The following MFSD6 variants were observed in gnomAD, a reference collection of about 807,000 sequenced individuals.
MFSD6 encodes major facilitator superfamily domain-containing protein 6.
A neutral mutation model predicts 56.3 loss-of-function variants in MFSD6; 26 were observed. The ratio of observed to expected loss-of-function variants is 0.46; its 90% CI spans 0.34 to 0.64. MFSD6 has a LOEUF of 0.64. Among genes scored for constraint, MFSD6 ranks in the 30% least tolerant of loss-of-function variants. The pLI is 0.01. For synonymous variants in MFSD6, 331 were observed against 366.9 expected (o/e 0.90, Z 1.12); for missense variants, 750 against 986.2 (o/e 0.76, Z 3.21).
rs1685796026 is a variant in MFSD6, at chr2:190,426,770, T to C, written c.-53-9207T>C. ...TTCAGTTTGAGATCTTCCTGGTTCT[T>C]GGTGTGACGAATGATTTTTTATTGA... On this transcript the variant is annotated intron_variant, in intron 2 of 7. Coordinates refer to ENST00000392328, the MANE Select transcript of MFSD6 (RefSeq NM_017694.4). This position sits in a 1 kb window ranked among gnomAD's most constrained non-coding sequence, Gnocchi z 4.7. Among the ~76,000 whole-genome samples, 1 of 152,242 alleles carries C rather than the reference T, an allele frequency of 6.6e-6. No homozygotes were observed. Among genetic ancestry groups the C allele is most frequent in the Non-Finnish European group, 1.5e-5 (1 of 68,048 alleles).
chr2:190,431,031 C>T lies in MFSD6; in HGVS notation c.-53-4946C>T, dbSNP rs529552386. Among the ~76,000 whole-genome samples, 2 of 83,576 alleles carry T rather than the reference C, an allele frequency of 2.4e-5. No homozygotes were observed. Among genetic ancestry groups the T allele is most frequent in the African/African-American group, 4.1e-5 (1 of 24,168 alleles). The allele number at this position is 83,576 out of a possible 152,430, so 54.8% of individuals were successfully genotyped here. On this transcript the variant is annotated intron_variant, in intron 2 of 7. Transcript: ENST00000392328. This position sits in a 1 kb window ranked among gnomAD's most constrained non-coding sequence, Gnocchi z 4.4. ...ACGCTCCTCACCTCCCAGACGGGGT[C>T]GCGGCCGGGCAGAGGCGCTCCTCAC...
At chr2:190,474,075 G>A (rs1350174889) in intron 4 of MFSD6, among the ~76,000 whole-genome samples, 1 of 152,114 alleles carries the variant, frequency 6.6e-6, no homozygotes, top group Non-Finnish European at 1.5e-5. Context: ...AGTGTGTAGA[G>A]GGAAATTTAT....
Position 190,438,273 on chromosome 2 carries a change from TGA to T in MFSD6, c.1532+716_1532+717del. Among the ~76,000 whole-genome samples the T allele has an allele frequency of 6.6e-6, 1 of 151,958 alleles. No homozygotes were observed. Among genetic ancestry groups the T allele is most frequent in the Middle Eastern group, 3.4e-3 (1 of 290 alleles). On this transcript the variant is annotated intron_variant, in intron 3 of 7. Transcript: ENST00000392328. This position sits in a 1 kb window ranked among gnomAD's most constrained non-coding sequence, Gnocchi z 5.2. ...CTCACACCTGCTAATCCCAGCACTT[TGA>T]GAGGCCGAGGCAGGTGGATCACTTG... is the stretch of plus-strand genomic sequence containing the variant.
intron 3 of MFSD6, among the ~76,000 whole-genome samples, chr2:190,452,774 A>T (rs1686829060): frequency 2.6e-5 from 4 of 152,122 alleles, no homozygotes; most frequent in African/African-American, 9.7e-5. Flanking sequence ...TCCCCAAATT[A>T]TTCCTTTTAT....
rs67545783 is a variant in MFSD6, at chr2:190,434,182, C to CA, written c.-53-1782dup. Among the ~76,000 whole-genome samples the CA allele has an allele frequency of 0.7, 91,150 of 129,550 alleles. 31,151 individuals carry two copies. The highest frequency in any genetic ancestry group is 0.78 in the Admixed American group (10,123 of 12,946). The allele number at this position is 129,550 out of a possible 152,430, so 85.0% of individuals were successfully genotyped here. ...GGTGACAGAGTAAGACCCTGTCTCTCAAAAAAAAAAAAAGAAAAAAAAGAA... is the reference window on the plus strand; with the variant it reads ...GGTGACAGAGTAAGACCCTGTCTCTCAAAAAAAAAAAAAAGAAAAAAAAGAA... On this transcript the variant is annotated intron_variant, in intron 2 of 7. Transcript: ENST00000392328. The surrounding 1 kb of genome is among the most constrained non-coding windows in gnomAD (Gnocchi z 4.3).
rs1685707166 is a variant in MFSD6, at chr2:190,423,850, T to C, written c.-54+8437T>C. On this transcript the variant is annotated intron_variant, in intron 2 of 7. Transcript: ENST00000392328. The surrounding 1 kb of genome is among the most constrained non-coding windows in gnomAD (Gnocchi z 4.3). ...CCATTCTTATAGACGTGTAGTGATA[T>C]AGCATCATGGTTTTAATTTACATTT... Among the ~76,000 whole-genome samples, 1 of 152,322 alleles carries C rather than the reference T, an allele frequency of 6.6e-6. No homozygotes were observed. The highest frequency in any genetic ancestry group is 2.4e-5 in the African/African-American group (1 of 41,582).
Position 190,494,314 on chromosome 2 carries a change from AC to A in MFSD6, c.1892-3122del, listed in dbSNP as rs1323067049. Among the ~76,000 whole-genome samples the A allele has an allele frequency of 2.0e-5, 3 of 152,108 alleles. No individual in the cohort carries two copies. Among genetic ancestry groups the A allele is most frequent in the Admixed American group, 1.3e-4 (2 of 15,270 alleles). On this transcript the variant is annotated intron_variant, in intron 6 of 7. Transcript: ENST00000392328. This position sits in a 1 kb window ranked among gnomAD's most constrained non-coding sequence, Gnocchi z 5.7. The stretch of plus-strand genomic sequence containing the variant: ...TAGCTTAAATCAGGAAGAATTAGAA[AC>A]CCTGAACAGACAACTAAGTAGTGAG...
intron 4 of MFSD6, among the ~76,000 whole-genome samples, chr2:190,486,948 C>G (rs1689045443): frequency 6.6e-6 from 1 of 152,158 alleles, no homozygotes; most frequent in African/African-American, 2.4e-5. Context: ...CATTTTTCCA[C>G]CTGTTATCTC....
rs1688937914 is a variant in MFSD6, at chr2:190,485,129, G to C, written c.1631-3528G>C. On this transcript the variant is annotated intron_variant, in intron 4 of 7. Coordinates refer to ENST00000392328, the MANE Select transcript of MFSD6 (RefSeq NM_017694.4). This position sits in a 1 kb window ranked among gnomAD's most constrained non-coding sequence, Gnocchi z 5.1. ...GACTTAAGTCATCCCACTGGAAAAT[G>C]CTTTAATTATCTTAGAACACTCAAA... is the stretch of plus-strand genomic sequence containing the variant. Among the ~76,000 whole-genome samples, 1 of 152,142 alleles carries C rather than the reference G, an allele frequency of 6.6e-6. No homozygotes were observed. The highest frequency in any genetic ancestry group is 6.5e-5 in the Admixed American group (1 of 15,284).
Position 190,492,882 on chromosome 2 carries a change from A to G in MFSD6, c.1891+3016A>G, listed in dbSNP as rs557073639. 1.3e-5 allele frequency among the ~76,000 whole-genome samples: 2 copies of G among 152,288 alleles called. No individual in the cohort carries two copies. Among genetic ancestry groups the G allele is most frequent in the South Asian group, 4.1e-4 (2 of 4,822 alleles). On this transcript the variant is annotated intron_variant, in intron 6 of 7. Transcript: ENST00000392328. The surrounding 1 kb of genome is among the most constrained non-coding windows in gnomAD (Gnocchi z 5.2). ...ACTACAAGAGCTGAAAGGAGCTCTA[A>G]ATCTTGAAACAAATCCTGGAAACAC... is the stretch of plus-strand genomic sequence containing the variant.
In MFSD6 at chr2:190,437,549, T is replaced by A; in HGVS notation, c.1520T>A (p.Ile507Asn). ...TTTAGTCACAAGCTTATTGAATTGATCGGCCACATCAGGTAAGAACATGCT... is the reference window on the plus strand; with the variant it reads ...TTTAGTCACAAGCTTATTGAATTGAACGGCCACATCAGGTAAGAACATGCT... ...YFFSHKLIELIGHIRVLYIGL... is the reference protein window; with the variant it reads ...YFFSHKLIELNGHIRVLYIGL... Residue 507 changes from isoleucine to asparagine, a missense_variant, in exon 3 of 8, where the codon ATC (isoleucine) becomes AAC (asparagine). By Grantham distance (149) the Ile-to-Asn change is moderately radical. This residue lies in a region of MFSD6 where 125 missense variants were observed against 223.1 expected (regional missense o/e 0.56). Transcript: ENST00000392328. This position sits in a 1 kb window ranked among gnomAD's most constrained non-coding sequence, Gnocchi z 5.9. 1 of 1,613,152 alleles carries A rather than the reference T, an allele frequency of 6.2e-7. No homozygotes were observed. Among genetic ancestry groups the A allele is most frequent in the Non-Finnish European group, 8.5e-7 (1 of 1,179,224 alleles).
Position 190,437,184 on chromosome 2 carries a change from T to C in MFSD6, c.1155T>C (p.Val385=), listed in dbSNP as rs1365805410. 6.2e-7 allele frequency: 1 copy of C among 1,614,230 alleles called. No individual in the cohort carries two copies. Among genetic ancestry groups the C allele is most frequent in the East Asian group, 2.2e-5 (1 of 44,884 alleles). The change falls in exon 3 of 8, where the codon GTT becomes GTC. Residue 385 remains valine (V), a synonymous_variant. Coordinates refer to ENST00000392328, the MANE Select transcript of MFSD6 (RefSeq NM_017694.4). The surrounding 1 kb of genome is among the most constrained non-coding windows in gnomAD (Gnocchi z 5.9). ...FGVLMTMALI[V]ATQFRFRYNH... ...TTCTCATGACCATGGCCTTGATCGT[T>C]GCCACTCAGTTCCGGTTCCGCTACA...
rs1381608731 is a variant in MFSD6, at chr2:190,495,232, A to T, written c.1892-2207A>T. 6.6e-6 allele frequency among the ~76,000 whole-genome samples: 1 copy of T among 152,164 alleles called. No homozygotes were observed. Among genetic ancestry groups the T allele is most frequent in the Non-Finnish European group, 1.5e-5 (1 of 68,002 alleles). The stretch of plus-strand genomic sequence containing the variant: ...TGACCAAGATGAGAATCAAATCAAG[A>T]ACCCAACACCTTTTATAATAGCTGC... On this transcript the variant is annotated intron_variant, in intron 6 of 7. Coordinates refer to ENST00000392328, the MANE Select transcript of MFSD6 (RefSeq NM_017694.4). This position sits in a 1 kb window ranked among gnomAD's most constrained non-coding sequence, Gnocchi z 4.7.
Position 190,437,410 on chromosome 2 carries a change from T to C in MFSD6, c.1381T>C (p.Tyr461His). ...TGTGGCTTGGTTCATGGGTTTTGGA[T>C]ATGGCTTCGTGTTCACCTTTCTCTA... ...LFVAWFMGFG[Y>H]GFVFTFLYWH... Residue 461 changes from tyrosine (Y) to histidine (H), a missense_variant, in exon 3 of 8, where the codon TAT becomes CAT. Tyr to His is a moderately conservative substitution (Grantham distance 83). Coordinates refer to ENST00000392328, the MANE Select transcript of MFSD6 (RefSeq NM_017694.4). The surrounding 1 kb of genome is among the most constrained non-coding windows in gnomAD (Gnocchi z 5.9). 1 of 1,614,232 alleles carries C rather than the reference T, an allele frequency of 6.2e-7. No homozygotes were observed. The highest frequency in any genetic ancestry group is 1.6e-4 in the Middle Eastern group (1 of 6,062).
In MFSD6 at chr2:190,489,088, A is replaced by G. The variant is rs1384629321; in HGVS notation, c.1792+270A>G. Among the ~76,000 whole-genome samples the G allele has an allele frequency of 6.6e-6, 1 of 152,206 alleles. No homozygotes were observed. Among genetic ancestry groups the G allele is most frequent in the Admixed American group, 6.5e-5 (1 of 15,280 alleles). On this transcript the variant is annotated intron_variant, in intron 5 of 7. Transcript: ENST00000392328. The surrounding 1 kb of genome is among the most constrained non-coding windows in gnomAD (Gnocchi z 6.6). ...AGAGATCCCTCAAAGGAGCCAAACAAATGAATTAGCATGAGTGCTTTTGGT... is the reference window on the plus strand; with the variant it reads ...AGAGATCCCTCAAAGGAGCCAAACAGATGAATTAGCATGAGTGCTTTTGGT...
At position 190,454,995 on chromosome 2, in the gene MFSD6, TGTATA is replaced by T. The variant is rs1686950425; in HGVS notation, c.1533-14762_1533-14758del. 7.1e-5 allele frequency among the ~76,000 whole-genome samples: 5 copies of T among 70,010 alleles called. No individual in the cohort carries two copies. The highest frequency in any genetic ancestry group is 7.5e-4 in the East Asian group (2 of 2,660). 45.9% of individuals were successfully genotyped at this position (70,010 alleles called of 152,430 possible). A position where few individuals can be genotyped will look rare whatever the true frequency, so the allele number is the denominator to read the frequency against. On this transcript the variant is annotated intron_variant, in intron 3 of 7. Coordinates refer to ENST00000392328, the MANE Select transcript of MFSD6 (RefSeq NM_017694.4). This position sits in a 1 kb window ranked among gnomAD's most constrained non-coding sequence, Gnocchi z 4.6. ...ATGTATATGTATATGTATATGTATA[TGTATA>T]ATGTATATGTATATGTATATGTGTG...
upstream of MFSD6, among the ~76,000 whole-genome samples, chr2:190,408,035 C>G (rs1220361288): frequency 1.3e-5 from 2 of 152,174 alleles, no homozygotes; most frequent in Non-Finnish European, 2.9e-5. Flanking sequence ...TCAGCGTGCT[C>G]CCCGGGCCCG....
Position 190,465,148 on chromosome 2 carries a change from C to G in MFSD6, c.1533-4610C>G, listed in dbSNP as rs1467029727. Reference sequence around the variant, plus strand: ...TTAGAATCTGTAACAATTTTTTTCTCCTACTCTTGTAGTTTGCTCAAATAC... The same window carrying G: ...TTAGAATCTGTAACAATTTTTTTCTGCTACTCTTGTAGTTTGCTCAAATAC... On this transcript the variant is annotated intron_variant, in intron 3 of 7. Coordinates refer to ENST00000392328, the MANE Select transcript of MFSD6 (RefSeq NM_017694.4). This position sits in a 1 kb window ranked among gnomAD's most constrained non-coding sequence, Gnocchi z 4.6. Among the ~76,000 whole-genome samples the G allele has an allele frequency of 3.3e-5, 5 of 152,018 alleles. No homozygotes were observed. Among genetic ancestry groups the G allele is most frequent in the Admixed American group, 1.3e-4 (2 of 15,264 alleles).
chr2:190,442,469 C>T (rs966300097), intron 3 of MFSD6: 11 of 152,100 alleles, frequency 7.2e-5, no homozygotes, highest in African/African-American at 2.6e-4. Context: ...TCATATGTTC[C>T]TCCCTGCTTT....
Sources: gnomAD v4.1 joint callset for allele counts (sites outside exome capture counted in the v4.1 genomes callset) on GRCh38, gnomAD v4.1.1 for gene constraint, gnomAD v4.1.1 regional missense constraint, Gnocchi (gnomAD v3.1) non-coding constraint, MANE v1.5 for transcripts, NCBI Gene and HGNC (gene_info 2026-07-23, HGNC 2026-07-21) for gene names.